Variants in CLCN3 observed in about 807,000 individuals in gnomAD.
CLCN3 encodes the protein H(+)/Cl(-) exchange transporter 3.
In CLCN3, 16 loss-of-function variants were observed where a neutral mutation model predicts 83.4. The observed-to-expected ratio is 0.19, with a 90% confidence interval of 0.13 to 0.29. The LOEUF (loss-of-function observed/expected upper bound fraction) is 0.29, where lower values mean the gene tolerates loss of function less well. Among genes scored for constraint, CLCN3 ranks in the 10% least tolerant of loss-of-function variants. The probability of loss-of-function intolerance (pLI) is 1.00; values close to 1 mark genes in which losing one functional copy is unlikely to be tolerated. For missense variants in CLCN3, 544 were observed against 1,006.0 expected (o/e 0.54, Z 6.21); for synonymous variants, 322 against 346.2 (o/e 0.93, Z 0.78).
intron 9 of CLCN3, 39 bp downstream of exon 9, chr4:169,697,773 C>A: frequency 1.4e-6 from 2 of 1,425,648 alleles, no homozygotes; most frequent in South Asian, 1.3e-5. Context: ...GTAATTTTGG[C>A]ATGTTCAAAA....
At chr4:169,715,523 C>T (rs2150277535) in intron 12 of CLCN3, among the ~76,000 whole-genome samples, 1 of 151,780 alleles carries the variant, frequency 6.6e-6, no homozygotes, top group Admixed American at 6.6e-5. Context: ...TTATTTAAAA[C>T]CCAGAAAAGA....
chr4:169,654,928 TAAGTA>T, intron 2 of CLCN3, among the ~76,000 whole-genome samples: 1 of 152,320 alleles, frequency 6.6e-6, no homozygotes, highest in South Asian at 2.1e-4. Context: ...TTGTTTCTAT[TAAGTA>T]TTTTAAAAAT....
intron 9 of CLCN3, chr4:169,702,871 C>A: frequency 4.2e-6 from 1 of 236,744 alleles, no homozygotes; most frequent in Non-Finnish European, 8.9e-6. Context: ...TCACGCCCAG[C>A]CAAGAGACGT....
intron 2 of CLCN3, among the ~76,000 whole-genome samples, chr4:169,658,582 C>CTTTT (rs879302541): frequency 5.3e-5 from 8 of 151,980 alleles, no homozygotes; most frequent in Non-Finnish European, 7.4e-5. Flanking sequence ...AAGAACCACA[C>CTTTT]ACTCCCAAAT....
Position 169,620,632 on chromosome 4 carries a change from C to G in CLCN3, c.-448C>G, listed in dbSNP as rs144978426. The stretch of plus-strand genomic sequence containing the variant: ...CCGGTCCGGAACCTGCAGCCCCTTT[C>G]CCAGTGTTCTAGTTCGCCCGTGACC... On this transcript the variant is annotated 5_prime_UTR_variant, in exon 1 of 13. Transcript: ENST00000513761. 1.2e-4 allele frequency: 46 copies of G among 397,504 alleles called. No individual in the cohort carries two copies. The highest frequency in any genetic ancestry group is 9.2e-4 in the African/African-American group (45 of 48,762). The allele number at this position is 397,504 out of a possible 1,614,324, so 24.6% of individuals were successfully genotyped here. A position where few individuals can be genotyped will look rare whatever the true frequency, so the allele number is the denominator to read the frequency against.
chr4:169,706,837 T>C (rs753644750), intron 10 of CLCN3, 31 bp from the exon 11 acceptor site: 2 of 1,586,740 alleles, frequency 1.3e-6, no homozygotes, highest in Admixed American at 1.7e-5. Context: ...GATCCTGTCC[T>C]TCCTGACCAG....
intron 11 of CLCN3, among the ~76,000 whole-genome samples, chr4:169,712,021 ATTTTTTTT>A (rs564857112): frequency 2.3e-4 from 26 of 114,972 alleles, no homozygotes; most frequent in Non-Finnish European, 3.3e-4. Context: ...TGCTTGGCCG[ATTTTTTTT>A]TTTTTTTTTT....
intron 1 of CLCN3, among the ~76,000 whole-genome samples, 184 bp downstream of exon 1, chr4:169,621,247 A>T (rs1352264367): frequency 6.6e-6 from 1 of 152,200 alleles, no homozygotes; most frequent in Non-Finnish European, 1.5e-5. Context: ...CATTCTTTAA[A>T]ATTTCACACA....
At chr4:169,719,403 G>A (rs1339719136) in intron 12 of CLCN3, among the ~76,000 whole-genome samples, 1 of 152,234 alleles carries the variant, frequency 6.6e-6, no homozygotes, top group African/African-American at 2.4e-5. Flanking sequence ...GGCGGAGGTT[G>A]CAGTGAGCTG....
At chr4:169,670,526 T>A (rs1731417538) in intron 2 of CLCN3, among the ~76,000 whole-genome samples, 1 of 152,196 alleles carries the variant, frequency 6.6e-6, no homozygotes. Flanking sequence ...AGCCTTGTAG[T>A]ATAGTTTGAA....
chr4:169,681,180 T>C (rs1184237096), intron 3 of CLCN3, among the ~76,000 whole-genome samples: 5 of 152,210 alleles, frequency 3.3e-5, no homozygotes, highest in Non-Finnish European at 7.3e-5. Context: ...CCTGAGTAGC[T>C]GGAATTATAG....
rs906820752 is a variant in CLCN3 at position 169,709,197 on chromosome 4, T to C, written c.2149+1931T>C. Among the ~76,000 whole-genome samples, 11 of 150,138 alleles carry C rather than the reference T, an allele frequency of 7.3e-5. 1 individual carries two copies. The East Asian group carries it at 1.2e-3, about 16-fold the overall frequency. On this transcript the variant is annotated intron_variant, in intron 11 of 12. Coordinates refer to ENST00000513761, the MANE Select transcript of CLCN3 (RefSeq NM_001829.4). ...CATCATATAATACATATAATTGATATATATAATGATAAATACTTTATTGAA... is the reference window on the plus strand; with the variant it reads ...CATCATATAATACATATAATTGATACATATAATGATAAATACTTTATTGAA...
At chr4:169,631,165 T>A (rs1479165725) in intron 1 of CLCN3, among the ~76,000 whole-genome samples, 1 of 152,212 alleles carries the variant, frequency 6.6e-6, no homozygotes, top group Admixed American at 6.5e-5. Context: ...AGATGGTGTT[T>A]CATTGTGGTT....
chr4:169,697,632 T>C lies in CLCN3; in HGVS notation c.1461T>C (p.Ile487=). 6.2e-7 allele frequency: 1 copy of C among 1,614,078 alleles called. No individual in the cohort carries two copies. The highest frequency in any genetic ancestry group is 2.2e-5 in the East Asian group (1 of 44,886). The change falls in exon 9 of 13, where the codon ATT becomes ATC. Residue 487 remains isoleucine (I), a synonymous_variant. Coordinates refer to ENST00000513761, the MANE Select transcript of CLCN3 (RefSeq NM_001829.4). The stretch of plus-strand genomic sequence containing the variant: ...ATGCCAGTAAAATTGTCGATGACAT[T>C]CCTGATCGTCCAGCAGGCATTGGAG... ...DMNASKIVDD[I]PDRPAGIGVY...
intron 2 of CLCN3, among the ~76,000 whole-genome samples, chr4:169,640,168 A>G (rs535412243): frequency 6.6e-6 from 1 of 152,280 alleles, no homozygotes; most frequent in African/African-American, 2.4e-5. Flanking sequence ...TTTCTTCTAG[A>G]TTACTTTCCC....
In CLCN3 at chr4:169,680,059, A is replaced by C. The variant is rs1731875728; in HGVS notation, c.170A>C (p.Tyr57Ser). The C allele has an allele frequency of 1.2e-6, 2 of 1,611,534 alleles. No homozygotes were observed. The highest frequency in any genetic ancestry group is 1.7e-6 in the Non-Finnish European group (2 of 1,177,768). Residue 57 changes from tyrosine (Y) to serine (S), a missense_variant, in exon 3 of 13, where the codon TAT (tyrosine) becomes TCT (serine). This residue lies in a region of CLCN3 where 77 missense variants were observed against 92.8 expected (regional missense o/e 0.83). Transcript: ENST00000513761. Reference sequence around the variant, plus strand: ...CTTTTCTCTTCTGTAGGAACTCATTATACAATGACAAATGGAGGCAGCATT... The same window carrying C: ...CTTTTCTCTTCTGTAGGAACTCATTCTACAATGACAAATGGAGGCAGCATT... Reference protein sequence around the residue: ...LDGDTAVGTHYTMTNGGSINS... With the variant: ...LDGDTAVGTHSTMTNGGSINS...
At chr4:169,712,166 A>G (rs563981417) in intron 11 of CLCN3, among the ~76,000 whole-genome samples, 1 of 152,086 alleles carries the variant, frequency 6.6e-6, no homozygotes, top group South Asian at 2.1e-4. Flanking sequence ...GCCGGCCAAA[A>G]TATTTTCACT....
At position 169,680,063 on chromosome 4, in the gene CLCN3, A is replaced by G. The variant is rs1230098207; in HGVS notation, c.174A>G (p.Thr58=). 1.9e-6 allele frequency: 3 copies of G among 1,612,178 alleles called. No individual in the cohort carries two copies. Among genetic ancestry groups the G allele is most frequent in the African/African-American group, 2.7e-5 (2 of 75,004 alleles). ...TCTCTTCTGTAGGAACTCATTATAC[A>G]ATGACAAATGGAGGCAGCATTAACA... is the stretch of plus-strand genomic sequence containing the variant. ...DGDTAVGTHY[T]MTNGGSINSS... The change falls in exon 3 of 13, where the codon ACA becomes ACG. Residue 58 remains threonine (T), a synonymous_variant. Coordinates refer to ENST00000513761, the MANE Select transcript of CLCN3 (RefSeq NM_001829.4).
chr4:169,625,538 G>A (rs951159064), intron 1 of CLCN3, among the ~76,000 whole-genome samples: 4 of 152,154 alleles, frequency 2.6e-5, no homozygotes, highest in Non-Finnish European at 5.9e-5. Flanking sequence ...CAGTGTAATG[G>A]AGGTAACCTT....
Sources: allele counts gnomAD v4.1 joint callset (sites outside exome capture counted in the v4.1 genomes callset), GRCh38; gene constraint gnomAD v4.1.1; regional missense constraint gnomAD v4.1.1; transcripts MANE v1.5; gene names NCBI Gene and HGNC (gene_info 2026-07-23, HGNC 2026-07-21).